Variants in SLC30A8 observed in about 807,000 individuals in gnomAD.
SLC30A8 encodes proton-coupled zinc antiporter SLC30A8.
In SLC30A8, 27 loss-of-function variants were observed where a neutral mutation model predicts 36.9. The observed-to-expected ratio is 0.73, with a 90% CI of 0.54 to 1.01. The LOEUF is 1.01. SLC30A8 is among the 50% of genes least tolerant of loss of function. The probability of loss-of-function intolerance (pLI) is 0.00; values close to 1 mark genes in which losing one functional copy is unlikely to be tolerated. For synonymous variants in SLC30A8, 164 were observed against 172.4 expected (o/e 0.95, Z 0.38); for missense variants, 439 against 452.0 (o/e 0.97, Z 0.26).
At chr8:117,171,419 C>A (rs2466298) in intron 7 of SLC30A8, among the ~76,000 whole-genome samples, 91,454 of 151,860 alleles carry the variant, frequency 0.6, 30,034 homozygotes, top group East Asian at 0.82. Context: ...CTAAAATGCA[C>A]CCGCCACTTC....
intron 1 of SLC30A8, among the ~76,000 whole-genome samples, chr8:117,024,833 G>T (rs897965067): frequency 1.6e-4 from 24 of 151,584 alleles, no homozygotes; most frequent in African/African-American, 5.6e-4. Flanking sequence ...TAAGCTCCAG[G>T]GTACTTGTGC....
chr8:116,991,677 C>A (rs927192106), intron 1 of SLC30A8, among the ~76,000 whole-genome samples: 3 of 152,156 alleles, frequency 2.0e-5, no homozygotes, highest in African/African-American at 7.2e-5. Flanking sequence ...AAATCTTAAT[C>A]TTTAAACCAA....
At chr8:117,068,534 T>C (rs1015165769) in intron 2 of SLC30A8, among the ~76,000 whole-genome samples, 1 of 152,170 alleles carries the variant, frequency 6.6e-6, no homozygotes, top group Admixed American at 6.5e-5. Context: ...TCTCCACATG[T>C]GTTGCCCATC....
rs374485094 is a variant in SLC30A8 at position 117,172,559 on chromosome 8, G to A, written c.988G>A (p.Val330Ile). The A allele has an allele frequency of 6.2e-7, 1 of 1,613,562 alleles. No individual in the cohort carries two copies. Among genetic ancestry groups the A allele is most frequent in the Non-Finnish European group, 8.5e-7 (1 of 1,179,714 alleles). ...ATAASRDSQV[V>I]RREIAKALSK... ...AGCAGCCAGCCGGGACAGCCAAGTG[G>A]TTCGGAGAGAAATTGCTAAAGCCCT... The change falls in exon 8 of 8, where the codon GTT becomes ATT. Residue 330 changes from valine (V) to isoleucine (I), a missense_variant. By Grantham distance (29) the Val-to-Ile change is conservative. Transcript: ENST00000456015.
At position 117,103,665 on chromosome 8, in the gene SLC30A8, A is replaced by T. The variant is rs1386803114; in HGVS notation, c.-225-31615A>T. 3.9e-5 allele frequency among the ~76,000 whole-genome samples: 6 copies of T among 152,090 alleles called. 1 individual carries two copies. Among genetic ancestry groups the T allele is most frequent in the Non-Finnish European group, 8.8e-5 (6 of 68,018 alleles). ...AATTTTTTGTATTTTTCGTAGGGAC[A>T]GGTTTTGCCATGTTGGCCAGACTGG... On this transcript the variant is annotated intron_variant, in intron 2 of 10. Coordinates refer to the SLC30A8 transcript ENST00000427715.
chr8:116,979,038 A>T (rs945769105), intron 1 of SLC30A8, among the ~76,000 whole-genome samples: 27 of 151,406 alleles, frequency 1.8e-4, no homozygotes, highest in African/African-American at 6.6e-4. Flanking sequence ...GGTGTTTGAG[A>T]CCAGCCTGGG....
chr8:117,125,208 AT>A lies in SLC30A8; in HGVS notation c.-225-10069del, dbSNP rs1214629603. On this transcript the variant is annotated intron_variant, in intron 2 of 10. Coordinates refer to the SLC30A8 transcript ENST00000427715. ...GAAGTTTTGGTGTTGCCATGATTGC[AT>A]TTGAGATTCTTGAATCTAGTCTCCA... is the stretch of plus-strand genomic sequence containing the variant. 3.3e-5 allele frequency among the ~76,000 whole-genome samples: 5 copies of A among 152,096 alleles called. No homozygotes were observed. In the East Asian group the frequency reaches 9.7e-4, roughly 30 times the overall value.
Position 117,127,585 on chromosome 8 carries a change from G to A in SLC30A8, c.-225-7695G>A, listed in dbSNP as rs368661283. Among the ~76,000 whole-genome samples the A allele has an allele frequency of 4.6e-5, 7 of 152,110 alleles. No individual in the cohort carries two copies. In the East Asian group the frequency reaches 1.4e-3, roughly 30 times the overall value. ...TTTGAATTTATATGACAAAGTAAAT[G>A]TTTCATTTTAAGTTGTCTAACTGTT... On this transcript the variant is annotated intron_variant, in intron 2 of 10. Coordinates refer to the SLC30A8 transcript ENST00000427715.
intron 1 of SLC30A8, among the ~76,000 whole-genome samples, chr8:117,143,239 A>G (rs1017188527): frequency 3.9e-5 from 6 of 152,106 alleles, no homozygotes; most frequent in Admixed American, 2.0e-4. Flanking sequence ...TTGGAGATGA[A>G]ATCAAAGTTT....
intron 1 of SLC30A8, among the ~76,000 whole-genome samples, chr8:117,010,825 G>A (rs1586394031): frequency 1.3e-5 from 2 of 152,190 alleles, no homozygotes; most frequent in South Asian, 4.1e-4. Flanking sequence ...GAGCAAAAGA[G>A]AGATGGGGGA....
At chr8:117,140,225 A>T (rs529850290) in intron 1 of SLC30A8, among the ~76,000 whole-genome samples, 1 of 152,178 alleles carries the variant, frequency 6.6e-6, no homozygotes, top group East Asian at 1.9e-4. Flanking sequence ...AATAGAATGA[A>T]GTAAAAAAAT....
intron 1 of SLC30A8, among the ~76,000 whole-genome samples, chr8:117,034,729 G>A (rs1016085949): frequency 6.6e-6 from 1 of 152,264 alleles, no homozygotes; most frequent in Admixed American, 6.5e-5. Context: ...ATAAAGAACT[G>A]CTTGAGACTG....
At chr8:117,078,792 GTC>G (rs1818570879) in intron 2 of SLC30A8, among the ~76,000 whole-genome samples, 1 of 151,928 alleles carries the variant, frequency 6.6e-6, no homozygotes, top group Non-Finnish European at 1.5e-5. Flanking sequence ...GGCGCAGGTG[GTC>G]CTCCCACCTC....
At chr8:116,983,748 C>T (rs1194143697) in intron 1 of SLC30A8, among the ~76,000 whole-genome samples, 1 of 152,080 alleles carries the variant, frequency 6.6e-6, no homozygotes, top group Non-Finnish European at 1.5e-5. Context: ...GTATCATTCA[C>T]CTAGTTTGTT....
At chr8:117,156,044 C>CT (rs35034776) in intron 3 of SLC30A8, among the ~76,000 whole-genome samples, 26,718 of 146,888 alleles carry the variant, frequency 0.18, 2,716 homozygotes, top group East Asian at 0.34. Context: ...AAGATTAGTA[C>CT]TTTTTTTTTT....
At position 116,965,448 on chromosome 8, in the gene SLC30A8, A is replaced by G. The variant is rs1256945371; in HGVS notation, c.-266+14329A>G. Among the ~76,000 whole-genome samples, 7 of 152,222 alleles carry G rather than the reference A, an allele frequency of 4.6e-5. No homozygotes were observed. In the East Asian group the frequency reaches 1.3e-3, roughly 29 times the overall value. The stretch of plus-strand genomic sequence containing the variant: ...AAAAAATATGTTCCTCCAAGTCAAG[A>G]CATAAGATACATTGGACTATTTTAA... On this transcript the variant is annotated intron_variant, in intron 1 of 10. Transcript: ENST00000427715.
chr8:116,979,238 C>CAAAAAAAAAAAAAAA (rs67998633), intron 1 of SLC30A8, among the ~76,000 whole-genome samples: 2 of 64,286 alleles, frequency 3.1e-5, no homozygotes, highest in Non-Finnish European at 5.6e-5. Flanking sequence ...GACCCTGTCT[C>CAAAAAAAAAAAAAAA]AAAAAAAAAA....
At chr8:117,120,191 G>T (rs1281707518) in intron 2 of SLC30A8, among the ~76,000 whole-genome samples, 1 of 151,700 alleles carries the variant, frequency 6.6e-6, no homozygotes, top group Non-Finnish European at 1.5e-5. Context: ...AAAAATGAAG[G>T]TATCACACTT....
At chr8:116,984,427 C>T (rs1815374401) in intron 1 of SLC30A8, among the ~76,000 whole-genome samples, 1 of 152,212 alleles carries the variant, frequency 6.6e-6, no homozygotes, top group Non-Finnish European at 1.5e-5. Flanking sequence ...TTCCTACCAG[C>T]AATATATGAG....
Sources: allele counts gnomAD v4.1 joint callset (sites outside exome capture counted in the v4.1 genomes callset), GRCh38; gene constraint gnomAD v4.1.1; transcripts MANE v1.5; gene names NCBI Gene and HGNC (gene_info 2026-07-23, HGNC 2026-07-21).